Variants in MAP3K3 observed in about 807,000 individuals in gnomAD.
The protein encoded by MAP3K3 is mitogen-activated protein kinase kinase kinase 3, also known as MAP/ERK kinase kinase 3.
In MAP3K3, 12 loss-of-function variants were observed where a neutral mutation model predicts 80.9. The ratio of observed to expected loss-of-function variants is 0.15; its 90% confidence interval spans 0.10 to 0.24. The LOEUF (loss-of-function observed/expected upper bound fraction) is 0.24. Ranked by LOEUF, MAP3K3 falls within the 10% of genes least tolerant of loss-of-function variation. The pLI is 1.00. For synonymous variants in MAP3K3, 272 were observed against 307.1 expected, an observed-to-expected ratio of 0.89 and a Z score of 1.19; for missense variants, 596 against 834.7, an observed-to-expected ratio of 0.71 and a Z score of 3.52.
At chr17:63,632,954 C>T (rs1166347114) in intron 2 of MAP3K3, 152 bp downstream of exon 2, 4 of 1,024,516 alleles carry the variant, frequency 3.9e-6, no homozygotes, top group Non-Finnish European at 5.6e-6. Flanking sequence ...TAATACATAC[C>T]AACCAGGTAT....
In MAP3K3 at chr17:63,689,560, C is replaced by T. The variant is rs2035538094; in HGVS notation, c.888C>T (p.Pro296=). Residue 296 remains proline (P), a synonymous_variant, in exon 11 of 16, where the codon CCC becomes CCT. Coordinates refer to ENST00000361733, the MANE Select transcript of MAP3K3 (RefSeq NM_002401.5). This position sits in a 1 kb window ranked among gnomAD's most constrained non-coding sequence, Gnocchi z 4.3. ...CCCTTTCAGGCAGAAGAACATTTCC[C>T]CGAATACGGCGTCATCAAGGCAACT... ...KDYSDGRRTF[P]RIRRHQGNLF... The T allele has an allele frequency of 1.2e-6, 2 of 1,613,218 alleles. No homozygotes were observed. The highest frequency in any genetic ancestry group is 1.7e-6 in the Non-Finnish European group (2 of 1,179,582).
At chr17:63,656,669 G>A (rs1568135104) in intron 4 of MAP3K3, among the ~76,000 whole-genome samples, 1 of 152,124 alleles carries the variant, frequency 6.6e-6, no homozygotes, top group Non-Finnish European at 1.5e-5. Context: ...GCATACGTTT[G>A]CATCTTATGA....
chr17:63,688,896 A>T lies in MAP3K3; in HGVS notation c.871+15A>T. 6.3e-7 allele frequency: 1 copy of T among 1,597,568 alleles called. No individual in the cohort carries two copies. The highest frequency in any genetic ancestry group is 8.6e-7 in the Non-Finnish European group (1 of 1,165,056). On this transcript the variant is annotated intron_variant, in intron 10 of 15. Transcript: ENST00000361733. ...CTACAGTGATGGTGAGTTCTTCTTC[A>T]CCTGCTCCCTGCTGGCTGCCTCAAG...
chr17:63,690,214 A>T (rs372254945), intron 11 of MAP3K3, 50 bp from the exon 12 acceptor site: 5 of 1,580,788 alleles, frequency 3.2e-6, no homozygotes, highest in Non-Finnish European at 4.3e-6. Context: ...TGAATGGGAT[A>T]TTCATAAATA....
intron 2 of MAP3K3, among the ~76,000 whole-genome samples, chr17:63,635,508 G>A (rs994878409): frequency 9.2e-5 from 14 of 152,220 alleles, no homozygotes; most frequent in Admixed American, 1.3e-4. Flanking sequence ...CAGATGTTTT[G>A]CTTCTGACCA....
At chr17:63,629,509 A>G (rs944220851) in intron 1 of MAP3K3, among the ~76,000 whole-genome samples, 3 of 152,192 alleles carry the variant, frequency 2.0e-5, no homozygotes, top group South Asian at 4.1e-4. Flanking sequence ...CTCAGTCCAT[A>G]CCACAGAGAT....
chr17:63,649,431 CAAA>C (rs1264323299), intron 3 of MAP3K3, among the ~76,000 whole-genome samples: 5 of 85,694 alleles, frequency 5.8e-5, no homozygotes, highest in Non-Finnish European at 2.3e-5. Flanking sequence ...GACTCCATCT[CAAA>C]AAAAAAAAAA....
At chr17:63,687,118 C>T (rs929207856) in intron 8 of MAP3K3, among the ~76,000 whole-genome samples, 1 of 151,928 alleles carries the variant, frequency 6.6e-6, no homozygotes, top group East Asian at 1.9e-4. Context: ...GTAATCCCAG[C>T]ACTTTGGGAA....
chr17:63,633,229 CAA>C (rs201848267), intron 2 of MAP3K3, among the ~76,000 whole-genome samples: 10 of 109,616 alleles, frequency 9.1e-5, no homozygotes, highest in Non-Finnish European at 9.7e-5. Context: ...AACTCTGTCT[CAA>C]AAAAAAAAAA....
intron 5 of MAP3K3, among the ~76,000 whole-genome samples, chr17:63,660,565 ATTCTTCTTCTTC>A (rs113456141): frequency 6.9e-6 from 1 of 144,204 alleles, no homozygotes; most frequent in Non-Finnish European, 1.5e-5. Flanking sequence ...TTCTCTTTGG[ATTCTTCTTCTTC>A]TTCTTCTTCT....
intron 2 of MAP3K3, among the ~76,000 whole-genome samples, chr17:63,633,715 G>C (rs2034263805): frequency 6.6e-6 from 1 of 152,134 alleles, no homozygotes; most frequent in Non-Finnish European, 1.5e-5. Flanking sequence ...TGGGTACTTT[G>C]TTCTGCAGAG....
At chr17:63,630,242 T>C (rs927269490) in intron 1 of MAP3K3, among the ~76,000 whole-genome samples, 1 of 152,160 alleles carries the variant, frequency 6.6e-6, no homozygotes, top group Non-Finnish European at 1.5e-5. Context: ...CCTATACATA[T>C]TATATATAAG....
intron 1 of MAP3K3, among the ~76,000 whole-genome samples, chr17:63,624,515 A>C (rs1011404656): frequency 6.6e-6 from 1 of 152,224 alleles, no homozygotes; most frequent in Non-Finnish European, 1.5e-5. Context: ...CAAAAAGTTT[A>C]TAAGTGTGTG....
chr17:63,658,821 G>A (rs868320454), intron 5 of MAP3K3, among the ~76,000 whole-genome samples: 16 of 149,712 alleles, frequency 1.1e-4, no homozygotes, highest in African/African-American at 3.5e-4. Context: ...TGCAGCCTCC[G>A]CCTCCTGGCT....
rs934775282 is a variant in MAP3K3 at position 63,689,236 on chromosome 17, T to C, written c.872-308T>C. On this transcript the variant is annotated intron_variant, in intron 10 of 15. Coordinates refer to ENST00000361733, the MANE Select transcript of MAP3K3 (RefSeq NM_002401.5). The surrounding 1 kb of genome is among the most constrained non-coding windows in gnomAD (Gnocchi z 4.3). ...AGTGCCTTCGGGTGTGGCTTGGCCT[T>C]GCAAGCAATTGGGAGCCTGTTGGCC... is the stretch of plus-strand genomic sequence containing the variant. The C allele has an allele frequency of 1.5e-4, 79 of 526,244 alleles. No individual in the cohort carries two copies. Among genetic ancestry groups the C allele is most frequent in the Non-Finnish European group, 2.1e-4 (63 of 294,796 alleles). The allele number at this position is 526,244 out of a possible 1,614,324, so 32.6% of individuals were successfully genotyped here.
intron 6 of MAP3K3, among the ~76,000 whole-genome samples, chr17:63,678,619 C>T (rs1371594187): frequency 6.6e-6 from 1 of 152,174 alleles, no homozygotes; most frequent in African/African-American, 2.4e-5. Context: ...GTGATGTGTC[C>T]AAGAAGAGAT....
chr17:63,668,592 T>G (rs2035043039), intron 6 of MAP3K3, among the ~76,000 whole-genome samples: 1 of 152,106 alleles, frequency 6.6e-6, no homozygotes, highest in African/African-American at 2.4e-5. Context: ...GATGGGGCAG[T>G]AACTGGGTCT....
At position 63,677,234 on chromosome 17, in the gene MAP3K3, A is replaced by G. The variant is rs115920232; in HGVS notation, c.503-4532A>G. Among the ~76,000 whole-genome samples, 1,315 of 152,262 alleles carry G rather than the reference A, an allele frequency of 8.6e-3. 17 individuals are homozygous for G. The highest frequency in any genetic ancestry group is 0.03 in the African/African-American group (1,261 of 41,540). ...GAGTGGCAAAGCCTGATCTGAACCC[A>G]CGTATATCTAATTTCAAAGCTTAGT... On this transcript the variant is annotated intron_variant, in intron 6 of 15. Transcript: ENST00000361733.
chr17:63,671,004 G>A (rs1430195436), intron 6 of MAP3K3, among the ~76,000 whole-genome samples: 1 of 152,170 alleles, frequency 6.6e-6, no homozygotes, highest in Admixed American at 6.5e-5. Flanking sequence ...AGATTGATCT[G>A]GCTACAGTGT....
Sources: allele counts gnomAD v4.1 joint callset (sites outside exome capture counted in the v4.1 genomes callset), GRCh38; gene constraint gnomAD v4.1.1; non-coding constraint Gnocchi (gnomAD v3.1); transcripts MANE v1.5; gene names NCBI Gene and HGNC (gene_info 2026-07-23, HGNC 2026-07-21).